PTPRD: variants seen among roughly 807,000 people sequenced by gnomAD.
PTPRD encodes the protein protein tyrosine phosphatase receptor type D.
A neutral mutation model predicts 214.5 loss-of-function variants in PTPRD; 34 were observed. The observed-to-expected ratio is 0.16, with a 90% CI of 0.12 to 0.21. The LOEUF is 0.21. Ranked by LOEUF, PTPRD falls within the 10% of genes least tolerant of loss-of-function variation. PTPRD has a pLI of 1.00. For synonymous variants in PTPRD, 1,128 were observed against 845.7 expected, an observed-to-expected ratio of 1.33 and a Z score of -5.79; for missense variants, 2,545 against 2,398.7, an observed-to-expected ratio of 1.06 and a Z score of -1.27.
At chr9:9,504,666 A>T (rs1455981146) in intron 8 of PTPRD, among the ~76,000 whole-genome samples, 2 of 151,694 alleles carry the variant, frequency 1.3e-5, no homozygotes, top group Non-Finnish European at 3.0e-5. Flanking sequence ...ATTAGACAAG[A>T]AAAAGAAATA....
At chr9:9,112,005 A>G (rs1002353553) in intron 10 of PTPRD, among the ~76,000 whole-genome samples, 4 of 152,132 alleles carry the variant, frequency 2.6e-5, no homozygotes, top group African/African-American at 7.2e-5. Context: ...CCAGGCTCCA[A>G]CAATTTGTGG....
rs184426264 is a variant in PTPRD, at chr9:10,338,675, A to G, written c.-545+2288T>C. Among the ~76,000 whole-genome samples the G allele has an allele frequency of 2.7e-4, 41 of 151,774 alleles. 1 individual carries two copies. Among genetic ancestry groups the G allele is most frequent in the Non-Finnish European group, 5.2e-4 (35 of 67,826 alleles). On this transcript the variant is annotated intron_variant, in intron 3 of 45. Coordinates refer to ENST00000381196, the MANE Select transcript of PTPRD (RefSeq NM_002839.4). ...AATTTACTTGAATAGGTCCTACGTC[A>G]AAGTGCTGCTTTCTTAGAAGCTCAA...
intron 10 of PTPRD, among the ~76,000 whole-genome samples, chr9:9,168,263 G>C (rs1375910188): frequency 6.6e-6 from 1 of 152,148 alleles, no homozygotes; most frequent in Non-Finnish European, 1.5e-5. Flanking sequence ...AGACAGTTTA[G>C]ATTGACATAA....
In PTPRD at chr9:9,847,660, G is replaced by A. The variant is rs115946683; in HGVS notation, c.-367-80809C>T. Among the ~76,000 whole-genome samples, 1,327 of 152,180 alleles carry A rather than the reference G, an allele frequency of 8.7e-3. 22 individuals carry two copies. Among genetic ancestry groups the A allele is most frequent in the African/African-American group, 0.03 (1,261 of 41,534 alleles). On this transcript the variant is annotated intron_variant, in intron 5 of 45. Transcript: ENST00000381196. ...ATTATTCCATTCCTTCTGTTTCTGTGGTAGCTTTCCAGGCAGGGCCAAGTC... is the reference window on the plus strand; with the variant it reads ...ATTATTCCATTCCTTCTGTTTCTGTAGTAGCTTTCCAGGCAGGGCCAAGTC...
At chr9:8,573,870 A>C (rs2091802023) in intron 14 of PTPRD, among the ~76,000 whole-genome samples, 1 of 151,918 alleles carries the variant, frequency 6.6e-6, no homozygotes, top group Non-Finnish European at 1.5e-5. Context: ...TTTATATTTC[A>C]ATTAGAACAA....
chr9:10,352,750 C>T (rs2154459246), intron 2 of PTPRD, among the ~76,000 whole-genome samples: 1 of 152,044 alleles, frequency 6.6e-6, no homozygotes, highest in East Asian at 1.9e-4. Context: ...TATATACTCA[C>T]TATAATATTT....
intron 6 of PTPRD, among the ~76,000 whole-genome samples, chr9:9,739,620 A>C (rs1423576294): frequency 6.6e-6 from 1 of 151,218 alleles, no homozygotes; most frequent in Non-Finnish European, 1.5e-5. Flanking sequence ...CACTTTCATC[A>C]GTTTATTTAA....
intron 9 of PTPRD, among the ~76,000 whole-genome samples, chr9:9,354,030 G>A (rs886395902): frequency 2.6e-5 from 4 of 151,694 alleles, no homozygotes; most frequent in Non-Finnish European, 5.9e-5. Flanking sequence ...GCTCCTAGAG[G>A]CTGCTCTGAG....
intron 8 of PTPRD, 33 bp from the exon 9 acceptor site, chr9:9,397,515 A>G (rs2068353560): frequency 6.6e-6 from 1 of 152,480 alleles, no homozygotes. Flanking sequence ...TGATATTGTG[A>G]TCATAAAAAC....
chr9:8,377,277 C>G (rs1350415109), intron 37 of PTPRD, among the ~76,000 whole-genome samples: 1 of 151,700 alleles, frequency 6.6e-6, no homozygotes, highest in African/African-American at 2.4e-5. Context: ...CAAATTAAAC[C>G]TATAATGTCT....
At chr9:9,342,537 G>C (rs1240696160) in intron 9 of PTPRD, among the ~76,000 whole-genome samples, 1 of 152,080 alleles carries the variant, frequency 6.6e-6, no homozygotes, top group Admixed American at 6.6e-5. Flanking sequence ...TTGGCTACAT[G>C]TGTATGGAAG....
At chr9:8,843,750 C>T (rs1400753283) in intron 11 of PTPRD, among the ~76,000 whole-genome samples, 1 of 152,040 alleles carries the variant, frequency 6.6e-6, no homozygotes, top group African/African-American at 2.4e-5. Flanking sequence ...ATGGGATCTT[C>T]CTCCCTCAAA....
chr9:9,161,478 T>C (rs1037876613), intron 10 of PTPRD, among the ~76,000 whole-genome samples: 3 of 152,128 alleles, frequency 2.0e-5, no homozygotes, highest in Admixed American at 2.0e-4. Context: ...GTGGTCTCAT[T>C]TGGGCTCCAA....
chr9:9,104,657 T>A (rs544758516), intron 10 of PTPRD, among the ~76,000 whole-genome samples: 22 of 152,324 alleles, frequency 1.4e-4, no homozygotes, highest in Middle Eastern at 6.8e-3. Flanking sequence ...AGATAAGTTC[T>A]CATGATGAAT....
chr9:9,311,589 G>A (rs989101556), intron 9 of PTPRD, among the ~76,000 whole-genome samples: 1 of 152,122 alleles, frequency 6.6e-6, no homozygotes, highest in African/African-American at 2.4e-5. Context: ...TGCTTAAGGA[G>A]AATTTAGAAG....
chr9:9,948,470 G>T (rs1250307779), intron 4 of PTPRD, among the ~76,000 whole-genome samples: 1 of 152,012 alleles, frequency 6.6e-6, no homozygotes, highest in Non-Finnish European at 1.5e-5. Context: ...TAAATGGCAG[G>T]TGATGAACAT....
intron 2 of PTPRD, among the ~76,000 whole-genome samples, chr9:10,402,911 C>T (rs1249411426): frequency 6.6e-6 from 1 of 151,400 alleles, no homozygotes; most frequent in African/African-American, 2.4e-5. Flanking sequence ...TTCTACCTAG[C>T]CATTAGATCT....
rs373799544 is a variant in PTPRD at position 10,096,401 on chromosome 9, T to C, written c.-544-62611A>G. 7.7e-4 allele frequency among the ~76,000 whole-genome samples: 117 copies of C among 152,032 alleles called. 2 individuals carry two copies. The South Asian group carries it at 0.022, about 29-fold the overall frequency. The stretch of plus-strand genomic sequence containing the variant: ...TTCTCCACATCGTCTCCAGCACCTG[T>C]TGTTTCCTGACTTTTTAATGATCGC... On this transcript the variant is annotated intron_variant, in intron 3 of 45. Transcript: ENST00000381196.
chr9:10,369,766 T>C (rs1285081756), intron 2 of PTPRD, among the ~76,000 whole-genome samples: 1 of 152,038 alleles, frequency 6.6e-6, no homozygotes, highest in Non-Finnish European at 1.5e-5. Flanking sequence ...TTCAATACTT[T>C]CCAAAAGAAT....
Sources: gnomAD v4.1 joint callset for allele counts (sites outside exome capture counted in the v4.1 genomes callset) on GRCh38, gnomAD v4.1.1 for gene constraint, MANE v1.5 for transcripts, NCBI Gene and HGNC (gene_info 2026-07-23, HGNC 2026-07-21) for gene names.